CR1: variants seen among roughly 807,000 people sequenced by gnomAD.
The protein encoded by CR1 is complement receptor type 1.
A neutral mutation model predicts 187.3 loss-of-function variants in CR1; 116 were observed. The observed-to-expected ratio is 0.62, with a 90% CI of 0.53 to 0.72. The LOEUF is 0.72. Among genes scored for constraint, CR1 ranks in the 30% least tolerant of loss-of-function variants. The pLI is 0.00. For missense variants in CR1, 1,731 were observed against 2,110.7 expected, an observed-to-expected ratio of 0.82 and a Z score of 3.52; for synonymous variants, 576 against 747.1, an observed-to-expected ratio of 0.77 and a Z score of 3.73.
intron 4 of CR1, among the ~76,000 whole-genome samples, chr1:207,520,283 C>T (rs1659934185): frequency 2.0e-5 from 3 of 152,226 alleles, no homozygotes; most frequent in African/African-American, 7.2e-5. Flanking sequence ...CTCTATGGGA[C>T]AGCTAGATAA....
At position 207,580,595 on chromosome 1, in the gene CR1, C is replaced by A. The variant is rs780364837; in HGVS notation, c.5198C>A (p.Ser1733Tyr). 67 of 1,613,078 alleles carry A rather than the reference C, an allele frequency of 4.2e-5. No homozygotes were observed. Among genetic ancestry groups the A allele is most frequent in the Non-Finnish European group, 5.3e-5 (62 of 1,179,738 alleles). Residue 1733 changes from serine to tyrosine, a missense_variant, in exon 31 of 47, where the codon TCC becomes TAC. Ser to Tyr is a moderately radical substitution (Grantham distance 144). Around this residue, in one of 5 missense-constraint regions of CR1, gnomAD observed 1,312 missense variants for 1,379.6 expected, o/e 0.95. Coordinates refer to ENST00000367049, the MANE Select transcript of CR1 (RefSeq NM_000651.6). The stretch of plus-strand genomic sequence containing the variant: ...AATCTCCAGCTTGGGGCAAAGGTGT[C>A]CTTTGTCTGTGATGAAGGGTAAGTG... ...PLNLQLGAKV[S>Y]FVCDEGFRLK... is the part of the protein sequence containing the mutation.
At chr1:207,589,402 G>A (rs1661202767) in intron 35 of CR1, among the ~76,000 whole-genome samples, 1 of 152,032 alleles carries the variant, frequency 6.6e-6, no homozygotes, top group Non-Finnish European at 1.5e-5. Context: ...CAAACATAAA[G>A]GAATAGCATC....
chr1:207,587,633 T>C, intron 34 of CR1, 68 bp downstream of exon 34: 2 of 1,484,266 alleles, frequency 1.3e-6, no homozygotes, highest in South Asian at 1.3e-5. Context: ...GCTTGGTGGC[T>C]CACGCCTGTA....
chr1:207,574,484 ATAAGC>A (rs1660674021), intron 27 of CR1, among the ~76,000 whole-genome samples: 1 of 152,206 alleles, frequency 6.6e-6, no homozygotes, highest in Admixed American at 6.5e-5. Context: ...CAGGTAATTC[ATAAGC>A]AAATTTTTAA....
chr1:207,632,753 G>A (rs1019874927), intron 46 of CR1, among the ~76,000 whole-genome samples: 13 of 141,118 alleles, frequency 9.2e-5, no homozygotes, highest in Admixed American at 1.5e-4. Flanking sequence ...AGCCGAGATC[G>A]CGCCACTGTA....
Position 207,505,890 on chromosome 1 carries a change from G to A in CR1, c.122-14G>A. 3.1e-6 allele frequency: 5 copies of A among 1,608,178 alleles called. No homozygotes were observed. The highest frequency in any genetic ancestry group is 2.7e-5 in the African/African-American group (2 of 74,642). ...CTCCATTAACTTTGATGCTTCTATGGTCTTGATCTCCAGGTCAATGCAATG... is the reference window on the plus strand; with the variant it reads ...CTCCATTAACTTTGATGCTTCTATGATCTTGATCTCCAGGTCAATGCAATG... On this transcript the variant is annotated splice_polypyrimidine_tract_variant and intron_variant, in intron 1 of 46. Transcript: ENST00000367049.
Position 207,577,737 on chromosome 1 carries a change from C to G in CR1, c.4538-68C>G, listed in dbSNP as rs1202238731. On this transcript the variant is annotated intron_variant, in intron 28 of 46. Transcript: ENST00000367049. ...TTAGCCATGATTGTGCCACTGCACT[C>G]CAGCCTGGGTGACAGCAAGACTCTG... The G allele has an allele frequency of 2.1e-5, 34 of 1,592,466 alleles. No homozygotes were observed. The East Asian group carries it at 6.8e-4, about 32-fold the overall frequency.
chr1:207,581,330 A>ACATGTGTATATGTATACGTATACATGTC (rs1660942715), intron 31 of CR1, among the ~76,000 whole-genome samples: 7 of 132,844 alleles, frequency 5.3e-5, no homozygotes, highest in African/African-American at 1.6e-4. Context: ...GTATACATGT[A>ACATGTGTATATGTATACGTATACATGTC]CATGTGTATA....
At chr1:207,516,268 C>T (rs1659806503) in intron 4 of CR1, among the ~76,000 whole-genome samples, 1 of 152,134 alleles carries the variant, frequency 6.6e-6, no homozygotes, top group African/African-American at 2.4e-5. Flanking sequence ...CTATTCCTTG[C>T]ATAGTGCAAT....
Position 207,496,280 on chromosome 1 carries a change from T to C in CR1, c.13T>C (p.Ser5Pro). MGAS[S>P]PRSPEPVGPP... ...GTGCTTGGGGAGAATGGGGGCCTCT[T>C]CTCCAAGAAGCCCGGAGCCTGTCGG... is the stretch of plus-strand genomic sequence containing the variant. Residue 5 changes from serine (S) to proline (P), a missense_variant, in exon 1 of 47, where the codon TCT becomes CCT. Transcript: ENST00000367049. 1 of 1,613,818 alleles carries C rather than the reference T, an allele frequency of 6.2e-7. No homozygotes were observed. The highest frequency in any genetic ancestry group is 2.2e-5 in the East Asian group (1 of 44,868).
intron 40 of CR1, among the ~76,000 whole-genome samples, chr1:207,615,958 G>A (rs78953596): frequency 0.021 from 3,232 of 152,192 alleles, 62 homozygotes; most frequent in Non-Finnish European, 0.029. Flanking sequence ...TTTAGGGAAG[G>A]AACTGTTCTA....
Position 207,618,243 on chromosome 1 carries a change from C to T in CR1, c.7062C>T (p.Cys2354=). 1 of 1,612,960 alleles carries T rather than the reference C, an allele frequency of 6.2e-7. No homozygotes were observed. The highest frequency in any genetic ancestry group is 1.3e-5 in the African/African-American group (1 of 75,012). Residue 2354 remains cysteine, a synonymous_variant, in exon 42 of 47, where the codon TGC becomes TGT. Coordinates refer to ENST00000367049, the MANE Select transcript of CR1 (RefSeq NM_000651.6). The part of the protein sequence containing the change: ...QGIWSQLDHY[C]KEVNCSFPLF... ...TCTGGAGCCAATTGGATCATTATTG[C>T]AAAGGTGACTTATTTCTTGGTATTC...
At chr1:207,514,663 G>A (rs1176307470) in intron 4 of CR1, among the ~76,000 whole-genome samples, 1 of 151,962 alleles carries the variant, frequency 6.6e-6, no homozygotes, top group Non-Finnish European at 1.5e-5. Context: ...TAAGACATTG[G>A]GCAACCAGCA....
chr1:207,616,587 C>G lies in CR1; in HGVS notation c.6674C>G (p.Pro2225Arg). Residue 2225 changes from proline (P) to arginine (R), a missense_variant, in exon 41 of 47, where the codon CCA becomes CGA. Coordinates refer to ENST00000367049, the MANE Select transcript of CR1 (RefSeq NM_000651.6). Reference sequence around the variant, plus strand: ...GTTTTCTTTCTAGAAATCTTTTGTCCAAATCCTCCAGCTATCCTTAATGGG... The same window carrying G: ...GTTTTCTTTCTAGAAATCTTTTGTCGAAATCCTCCAGCTATCCTTAATGGG... ...SVPVCEQIFC[P>R]NPPAILNGRH... is the part of the protein sequence containing the mutation. The G allele has an allele frequency of 1.9e-6, 3 of 1,613,370 alleles. No homozygotes were observed.
chr1:207,576,460 A>G (rs1399791890), intron 28 of CR1, among the ~76,000 whole-genome samples: 1 of 152,168 alleles, frequency 6.6e-6, no homozygotes, highest in Non-Finnish European at 1.5e-5. Context: ...TATATGTAAT[A>G]TTGTATATTT....
chr1:207,627,344 G>C (rs1226611177), intron 45 of CR1, among the ~76,000 whole-genome samples: 1 of 151,896 alleles, frequency 6.6e-6, no homozygotes, highest in Non-Finnish European at 1.5e-5. Context: ...CTTCACCAAT[G>C]GATACACAAC....
chr1:207,498,764 G>A lies in CR1; in HGVS notation c.121+2376G>A, dbSNP rs1302159633. The stretch of plus-strand genomic sequence containing the variant: ...ATGATGGTGGGTGCCTGTAGTCCCA[G>A]CTACTCGGGAGGCTGAGGCATGAGA... On this transcript the variant is annotated intron_variant, in intron 1 of 46. Coordinates refer to ENST00000367049, the MANE Select transcript of CR1 (RefSeq NM_000651.6). 2.0e-5 allele frequency among the ~76,000 whole-genome samples: 3 copies of A among 151,452 alleles called. No individual in the cohort carries two copies. In the East Asian group the frequency reaches 5.8e-4, roughly 29 times the overall value.
At chr1:207,507,929 A>C (rs1255454090) in intron 3 of CR1, among the ~76,000 whole-genome samples, 1 of 152,236 alleles carries the variant, frequency 6.6e-6, no homozygotes, top group East Asian at 1.9e-4. Context: ...ACATCCATAC[A>C]ATAGAATATT....
chr1:207,598,285 A>G lies in CR1; in HGVS notation c.5811-8966A>G, dbSNP rs1222146003. On this transcript the variant is annotated intron_variant, in intron 35 of 46. Transcript: ENST00000367049. Reference sequence around the variant, plus strand: ...CAATAAGAAAGAAAAAAATTTTTAAATATATCATGTGATATTAGGAAAGAA... The same window carrying G: ...CAATAAGAAAGAAAAAAATTTTTAAGTATATCATGTGATATTAGGAAAGAA... Among the ~76,000 whole-genome samples, 4 of 152,214 alleles carry G rather than the reference A, an allele frequency of 2.6e-5. No individual in the cohort carries two copies. In the East Asian group the frequency reaches 7.7e-4, roughly 29 times the overall value.
Sources: allele counts gnomAD v4.1 joint callset (sites outside exome capture counted in the v4.1 genomes callset), GRCh38; gene constraint gnomAD v4.1.1; regional missense constraint gnomAD v4.1.1; transcripts MANE v1.5; gene names NCBI Gene and HGNC (gene_info 2026-07-23, HGNC 2026-07-21).